CNTNAP3: variants seen among roughly 807,000 people sequenced by gnomAD.
The protein encoded by CNTNAP3 is contactin-associated protein-like 3.
A neutral mutation model predicts 92.1 loss-of-function variants in CNTNAP3; 36 were observed. The observed-to-expected ratio is 0.39, with a 90% CI of 0.30 to 0.52. CNTNAP3 has a LOEUF of 0.52. Among genes scored for constraint, CNTNAP3 ranks in the 20% least tolerant of loss-of-function variants. The pLI, the probability that CNTNAP3 is intolerant of heterozygous loss-of-function variation, is 0.76. For missense variants in CNTNAP3, 534 were observed against 1,069.6 expected (o/e 0.50, Z 6.98); for synonymous variants, 232 against 422.3 (o/e 0.55, Z 5.53).
chr9:39,081,672 T>C (rs189583156), intron 21 of CNTNAP3, among the ~76,000 whole-genome samples: 35 of 152,014 alleles, frequency 2.3e-4, no homozygotes, highest in African/African-American at 8.2e-4. Flanking sequence ...TAGACAGATG[T>C]CTATCCTTAC....
At chr9:39,086,007 C>T (rs1826054698) in intron 20 of CNTNAP3, 184 bp from the exon 21 acceptor site, 1 of 676,258 alleles carries the variant, frequency 1.5e-6, no homozygotes, top group Non-Finnish European at 2.6e-6. Context: ...TAAGCAATTC[C>T]TATGATGCCA....
intron 18 of CNTNAP3, among the ~76,000 whole-genome samples, chr9:39,095,843 A>G (rs1299231893): frequency 1.3e-5 from 2 of 150,104 alleles, no homozygotes; most frequent in African/African-American, 2.4e-5. Flanking sequence ...ACATAGCTCT[A>G]TTTCTTCTGT....
In CNTNAP3 at chr9:39,066,931, A is replaced by C. The variant is rs1288575608; in HGVS notation, c.*6959T>G. On this transcript the variant is annotated 3_prime_UTR_variant, in exon 24 of 24. Transcript: ENST00000297668. ...AAAATGCTTATGTATTAATTTTTAA[A>C]AATATTTTTTTCTATCCATCCACTC... Among the ~76,000 whole-genome samples, 1 of 152,210 alleles carries C rather than the reference A, an allele frequency of 6.6e-6. No homozygotes were observed. The highest frequency in any genetic ancestry group is 2.4e-5 in the African/African-American group (1 of 41,440).
chr9:39,108,631 C>G (rs887998972), intron 15 of CNTNAP3, among the ~76,000 whole-genome samples: 1 of 152,146 alleles, frequency 6.6e-6, no homozygotes, highest in Non-Finnish European at 1.5e-5. Context: ...GTAGGTAGAT[C>G]CTCTAAGAAC....
intron 12 of CNTNAP3, among the ~76,000 whole-genome samples, chr9:39,140,265 A>G (rs1314848085): frequency 6.6e-6 from 1 of 152,174 alleles, no homozygotes; most frequent in Admixed American, 6.5e-5. Context: ...CATGATGCAC[A>G]TGAACAGATG....
chr9:39,092,739 G>A (rs568496920), intron 18 of CNTNAP3, among the ~76,000 whole-genome samples: 2 of 136,130 alleles, frequency 1.5e-5, no homozygotes, highest in East Asian at 2.4e-4. Context: ...GAATGATTGC[G>A]TTTTTATTTT....
chr9:39,104,431 C>T (rs891459603), intron 15 of CNTNAP3, among the ~76,000 whole-genome samples: 1 of 150,760 alleles, frequency 6.6e-6, no homozygotes, highest in Non-Finnish European at 1.5e-5. Flanking sequence ...TAAATGACTC[C>T]AGAAGCCAGA....
intron 11 of CNTNAP3, among the ~76,000 whole-genome samples, chr9:39,142,059 G>A (rs565891459): frequency 7.9e-5 from 12 of 152,264 alleles, no homozygotes; most frequent in African/African-American, 2.6e-4. Flanking sequence ...AGATGAGACT[G>A]ACACTTGAAA....
At chr9:39,101,294 T>G (rs894010352) in intron 17 of CNTNAP3, among the ~76,000 whole-genome samples, 9 of 152,008 alleles carry the variant, frequency 5.9e-5, no homozygotes, top group Admixed American at 3.9e-4. Context: ...ATTTAGTACC[T>G]GGAAGTTGTA....
At chr9:39,114,235 A>C (rs1262628075) in intron 14 of CNTNAP3, among the ~76,000 whole-genome samples, 3 of 151,484 alleles carry the variant, frequency 2.0e-5, no homozygotes, top group Non-Finnish European at 4.4e-5. Flanking sequence ...GGCGCCCACC[A>C]CCATGCCTGG....
chr9:39,120,049 G>A (rs868378492), intron 13 of CNTNAP3, among the ~76,000 whole-genome samples: 10 of 152,274 alleles, frequency 6.6e-5, no homozygotes, highest in Middle Eastern at 6.8e-3. Context: ...AATACTGGCT[G>A]TAAACTTCCC....
chr9:39,090,043 C>A (rs1826154813), intron 18 of CNTNAP3, among the ~76,000 whole-genome samples: 1 of 151,996 alleles, frequency 6.6e-6, no homozygotes, highest in African/African-American at 2.4e-5. Context: ...GGGTTCACAC[C>A]ATTCTCCTGC....
At position 39,066,469 on chromosome 9, in the gene CNTNAP3, T is replaced by C. The variant is rs1234050486; in HGVS notation, c.*7421A>G. The stretch of plus-strand genomic sequence containing the variant: ...TTCTTTGTGTGGATCCATGTTTCTA[T>C]CTGCACAAAGATATTATTCTTTATT... On this transcript the variant is annotated 3_prime_UTR_variant, in exon 24 of 24. Transcript: ENST00000297668. 6.6e-6 allele frequency among the ~76,000 whole-genome samples: 1 copy of C among 152,220 alleles called. No homozygotes were observed. The highest frequency in any genetic ancestry group is 1.5e-5 in the Non-Finnish European group (1 of 68,038).
intron 12 of CNTNAP3, among the ~76,000 whole-genome samples, chr9:39,134,885 T>C (rs1415927609): frequency 2.0e-5 from 3 of 152,252 alleles, no homozygotes. Context: ...GGCCATGTGT[T>C]CATGATTTGT....
chr9:39,135,176 T>C (rs1821401096), intron 12 of CNTNAP3, among the ~76,000 whole-genome samples: 1 of 152,244 alleles, frequency 6.6e-6, no homozygotes, highest in African/African-American at 2.4e-5. Flanking sequence ...TAGACCATTG[T>C]GGTTTCCTTA....
chr9:39,104,477 TACAC>T (rs60068368), intron 15 of CNTNAP3, among the ~76,000 whole-genome samples: 9,477 of 122,994 alleles, frequency 0.077, 342 homozygotes, highest in East Asian at 0.12. Flanking sequence ...CACATACACA[TACAC>T]ACACACACAC....
intron 19 of CNTNAP3, among the ~76,000 whole-genome samples, chr9:39,087,596 C>T (rs900141717): frequency 1.3e-5 from 2 of 152,118 alleles, no homozygotes; most frequent in African/African-American, 4.8e-5. Flanking sequence ...ACGCCATTCT[C>T]CTGCCTCAGC....
At chr9:39,075,847 A>G (rs1825747768) in intron 23 of CNTNAP3, among the ~76,000 whole-genome samples, 1 of 152,312 alleles carries the variant, frequency 6.6e-6, no homozygotes, top group African/African-American at 2.4e-5. Context: ...GCCTTAGTAA[A>G]CTTGCTTGTT....
intron 13 of CNTNAP3, among the ~76,000 whole-genome samples, chr9:39,130,400 T>A (rs1268322591): frequency 6.6e-6 from 1 of 151,550 alleles, no homozygotes; most frequent in Non-Finnish European, 1.5e-5. Context: ...GAGTACATAC[T>A]ATATAATTTC....
Sources: allele counts gnomAD v4.1 joint callset (sites outside exome capture counted in the v4.1 genomes callset), GRCh38; gene constraint gnomAD v4.1.1; transcripts MANE v1.5; gene names NCBI Gene and HGNC (gene_info 2026-07-23, HGNC 2026-07-21).